The following WDR18 variants were observed in gnomAD, a reference collection of about 807,000 sequenced individuals.
WDR18 encodes the protein WD repeat domain 18.
A neutral mutation model predicts 49.6 loss-of-function variants in WDR18; 33 were observed. The observed-to-expected ratio is 0.67, with a 90% CI of 0.50 to 0.89. The LOEUF is 0.89. Among genes scored for constraint, WDR18 ranks in the 40% least tolerant of loss-of-function variants. The pLI is 0.00. For missense variants in WDR18, 653 were observed against 593.6 expected (o/e 1.10, Z -1.04); for synonymous variants, 315 against 263.6 (o/e 1.19, Z -1.89).
chr19:988,050 G>A (rs965810506), intron 2 of WDR18, among the ~76,000 whole-genome samples: 1 of 151,850 alleles, frequency 6.6e-6, no homozygotes, highest in Non-Finnish European at 1.5e-5. Context: ...GGCTGGTTTC[G>A]AACTCCTGGT....
At chr19:984,157 T>TA, upstream of WDR18, 1 of 590,000 alleles carries the variant, frequency 1.7e-6, no homozygotes, top group Non-Finnish European at 2.8e-6. Context: ...CCCAGATCTC[T>TA]AAGCAGGCCG....
At chr19:985,553 C>T (rs2038465874) in intron 1 of WDR18, among the ~76,000 whole-genome samples, 2 of 152,128 alleles carry the variant, frequency 1.3e-5, no homozygotes, top group Admixed American at 1.3e-4. Context: ...GGGCACAAGC[C>T]TACTGGGCTC....
chr19:993,901 G>A, intron 8 of WDR18, 119 bp from the exon 9 acceptor site: 8 of 1,101,684 alleles, frequency 7.3e-6, no homozygotes, highest in South Asian at 1.3e-5. Context: ...TCTGTCTGTG[G>A]GCGTCACGGT....
At chr19:983,548 C>T (rs1451116414), upstream of WDR18, among the ~76,000 whole-genome samples, 3 of 149,476 alleles carry the variant, frequency 2.0e-5, no homozygotes, top group South Asian at 4.3e-4. Flanking sequence ...AGGCCTGAGC[C>T]AAAGCGCCCG....
chr19:990,471 C>G (rs1043033882), intron 4 of WDR18, 107 bp downstream of exon 4: 2 of 1,385,788 alleles, frequency 1.4e-6, no homozygotes, highest in Non-Finnish European at 1.9e-6. Context: ...TGTCAGGACT[C>G]CAGACGGCTT....
upstream of WDR18, chr19:984,208 A>C (rs150076927): frequency 2.2e-3 from 1,917 of 875,206 alleles, 31 homozygotes; most frequent in African/African-American, 0.031. Context: ...ATCCCACTTC[A>C]CAAGAAAGCC....
intron 4 of WDR18, 74 bp from the exon 5 acceptor site, chr19:990,778 T>C (rs372822873): frequency 3.3e-6 from 5 of 1,517,486 alleles, no homozygotes; most frequent in East Asian, 2.3e-5. Context: ...CTGACCTCCC[T>C]GGTGCCCCTG....
intron 4 of WDR18, 167 bp from the exon 5 acceptor site, chr19:990,685 C>A: frequency 9.4e-7 from 1 of 1,068,366 alleles, no homozygotes; most frequent in Non-Finnish European, 1.3e-6. Context: ...TCAGCACAGG[C>A]CATGTCCCCT....
Position 991,952 on chromosome 19 carries a change from C to CA in WDR18, c.932-2dup. 6.3e-7 allele frequency: 1 copy of CA among 1,581,664 alleles called. No homozygotes were observed. Among genetic ancestry groups the CA allele is most frequent in the Non-Finnish European group, 8.5e-7 (1 of 1,170,572 alleles). ...GGCGGGGCCTGACCTCCGCGCCCCC[C>CA]AGGCCCAGTCACCAATGCCGCCATC... On this transcript the variant is annotated splice_polypyrimidine_tract_variant and splice_region_variant and intron_variant, in intron 7 of 9. Coordinates refer to ENST00000585809, the MANE Select transcript of WDR18 (RefSeq NM_024100.4).
Position 994,499 on chromosome 19 carries a change from T to G in WDR18, c.*155T>G, listed in dbSNP as rs539462169. 412 of 1,113,848 alleles carry G rather than the reference T, an allele frequency of 3.7e-4. 1 individual carries two copies. Among genetic ancestry groups the G allele is most frequent in the Non-Finnish European group, 4.8e-4 (386 of 804,244 alleles). The allele number at this position is 1,113,848 out of a possible 1,614,324, so 69.0% of individuals were successfully genotyped here. A position where few individuals can be genotyped will look rare whatever the true frequency, so the allele number is the denominator to read the frequency against. ...CCTCTGTGACTGGGCCGTCTTGGTG[T>G]CTCGTGGCACGCGTCACAGTGGTGC... On this transcript the variant is annotated 3_prime_UTR_variant, in exon 10 of 10. Coordinates refer to ENST00000585809, the MANE Select transcript of WDR18 (RefSeq NM_024100.4).
chr19:990,503 C>T (rs1334141288), intron 4 of WDR18, 139 bp downstream of exon 4: 2 of 1,256,976 alleles, frequency 1.6e-6, no homozygotes, highest in Non-Finnish European at 2.1e-6. Context: ...GTGCTCTGAG[C>T]CCAAGGACGT....
At chr19:990,015 C>T (rs901213500) in intron 3 of WDR18, 120 bp downstream of exon 3, 47 of 1,461,034 alleles carry the variant, frequency 3.2e-5, no homozygotes, top group Middle Eastern at 4.9e-4. Context: ...GTGCAGAGGA[C>T]GGAGTGATCA....
chr19:984,485 G>C lies in WDR18; in HGVS notation c.132G>C (p.Leu44=). 1 of 1,571,410 alleles carries C rather than the reference G, an allele frequency of 6.4e-7. No homozygotes were observed. The highest frequency in any genetic ancestry group is 8.6e-7 in the Non-Finnish European group (1 of 1,161,116). The change falls in exon 1 of 10, where the codon CTG becomes CTC. Residue 44 remains leucine (L), a synonymous_variant. Transcript: ENST00000585809. ...YRGGQAGPRG[L]ALLNGEYLLA... is the part of the protein sequence containing the mutation. ...GCGGCCAGGCGGGACCCCGCGGCCT[G>C]GCGCTGCTCAATGGCGAGTATCTGC...
rs557963835 is a variant in WDR18 at position 990,054 on chromosome 19, G to A, written c.455+159G>A. The A allele has an allele frequency of 2.1e-4, 297 of 1,398,298 alleles. 4 individuals are homozygous for A. The South Asian group carries it at 4.0e-3, about 19-fold the overall frequency. The allele number at this position is 1,398,298 out of a possible 1,614,324, so 86.6% of individuals were successfully genotyped here. On this transcript the variant is annotated intron_variant, in intron 3 of 9. Transcript: ENST00000585809. ...CAGGGGTCCTGGCTGCCCACACTGG[G>A]GTCTGGTTTGTTCTGGGGGCCGTGG...
At position 990,273 on chromosome 19, in the gene WDR18, C is replaced by T. The variant is rs1274649120; in HGVS notation, c.506C>T (p.Ser169Phe). Residue 169 changes from serine (S) to phenylalanine (F), a missense_variant, in exon 4 of 10, where the codon TCT (serine) becomes TTT (phenylalanine). Physicochemically the swap from Ser to Phe is radical, Grantham distance 155 (BLOSUM62 -2). Coordinates refer to ENST00000585809, the MANE Select transcript of WDR18 (RefSeq NM_024100.4). ...SRIPAPRHVWSHHALPITDLH... is the reference protein window; with the variant it reads ...SRIPAPRHVWFHHALPITDLH... Reference sequence around the variant, plus strand: ...ATTCCGGCGCCCAGGCACGTCTGGTCTCACCACGCGCTCCCCATCACGGAC... The same window carrying T: ...ATTCCGGCGCCCAGGCACGTCTGGTTTCACCACGCGCTCCCCATCACGGAC... The T allele has an allele frequency of 1.3e-6, 2 of 1,599,518 alleles. No individual in the cohort carries two copies. Among genetic ancestry groups the T allele is most frequent in the Non-Finnish European group, 1.7e-6 (2 of 1,179,270 alleles).
At chr19:983,030 G>C (rs1208304201), upstream of WDR18, among the ~76,000 whole-genome samples, 3 of 152,360 alleles carry the variant, frequency 2.0e-5, no homozygotes, top group East Asian at 3.9e-4. Flanking sequence ...GCCTCTTGCT[G>C]CTCGAGGGCA....
chr19:991,499 G>C, intron 7 of WDR18, 148 bp downstream of exon 7: 1 of 820,280 alleles, frequency 1.2e-6, no homozygotes, highest in Non-Finnish European at 1.7e-6. Flanking sequence ...GCGGGGCCTG[G>C]CTGGGGGAGT....
At chr19:993,592 C>T (rs1370690704) in intron 8 of WDR18, among the ~76,000 whole-genome samples, 1 of 152,242 alleles carries the variant, frequency 6.6e-6, no homozygotes, top group Non-Finnish European at 1.5e-5. Flanking sequence ...TAACTGGTTC[C>T]TCTGTACAGG....
intron 8 of WDR18, 148 bp from the exon 9 acceptor site, chr19:993,872 C>G: frequency 1.2e-6 from 1 of 865,296 alleles, no homozygotes; most frequent in Non-Finnish European, 1.8e-6. Context: ...AGGTGAACGC[C>G]CCCGTCTCAG....
Sources: gnomAD v4.1 joint callset for allele counts (sites outside exome capture counted in the v4.1 genomes callset) on GRCh38, gnomAD v4.1.1 for gene constraint, MANE v1.5 for transcripts, NCBI Gene and HGNC (gene_info 2026-07-23, HGNC 2026-07-21) for gene names.